The following TM4SF18 variants were observed in gnomAD, a reference collection of about 807,000 sequenced individuals.
TM4SF18 encodes transmembrane 4 L six family member 18, also known as transmembrane 4 L6 family member 18.
Under a neutral mutation model 23.8 loss-of-function variants are expected in TM4SF18, and 22 were observed. The observed-to-expected ratio is 0.92, with a 90% CI of 0.66 to 1.32. TM4SF18 has a LOEUF of 1.32. TM4SF18 is among the 40% of genes most tolerant of loss of function. The pLI is 0.00. For missense variants in TM4SF18, 255 were observed against 240.3 expected (o/e 1.06, Z -0.41); for synonymous variants, 87 against 87.9 (o/e 0.99, Z 0.06).
Position 149,324,744 on chromosome 3 carries a change from AAACT to A in TM4SF18, c.410+132_410+135del, listed in dbSNP as rs1730894361. On this transcript the variant is annotated intron_variant, in intron 4 of 5. Coordinates refer to ENST00000296059, the MANE Select transcript of TM4SF18 (RefSeq NM_138786.4). Reference sequence around the variant, plus strand: ...AGAACAAATTGGTCTGGATATTAGTAAACTAACAGGGAAATTCTGCACTAAAACA... The same window carrying A: ...AGAACAAATTGGTCTGGATATTAGTAAACAGGGAAATTCTGCACTAAAACA... 15 of 1,134,070 alleles carry A rather than the reference AAACT, an allele frequency of 1.3e-5. No individual in the cohort carries two copies. The East Asian group carries it at 3.4e-4, about 26-fold the overall frequency. The allele number at this position is 1,134,070 out of a possible 1,614,324, so 70.3% of individuals were successfully genotyped here.
intron 3 of TM4SF18, among the ~76,000 whole-genome samples, chr3:149,326,449 T>C (rs921420563): frequency 1.3e-5 from 2 of 152,204 alleles, no homozygotes; most frequent in Admixed American, 6.5e-5. Flanking sequence ...CCTGGATAGG[T>C]ACATTTTCCT....
Position 149,331,864 on chromosome 3 carries a change from G to A in TM4SF18, c.177+1342C>T, listed in dbSNP as rs144339684. On this transcript the variant is annotated intron_variant, in intron 2 of 5. Transcript: ENST00000296059. ...ACATGAAATAATGTGCATTTTCCAC[G>A]TTGTTACATCTTCATAATTATAATT... Among the ~76,000 whole-genome samples, 677 of 152,198 alleles carry A rather than the reference G, an allele frequency of 4.4e-3. 4 individuals carry two copies. The highest frequency in any genetic ancestry group is 0.016 in the African/African-American group (644 of 41,530).
At chr3:149,327,850 C>A (rs188289913) in intron 3 of TM4SF18, among the ~76,000 whole-genome samples, 3 of 152,072 alleles carry the variant, frequency 2.0e-5, no homozygotes, top group Non-Finnish European at 2.9e-5. Context: ...CACATGCACA[C>A]GCACACACTA....
chr3:149,330,755 A>C lies in TM4SF18; in HGVS notation c.178-336T>G, dbSNP rs114429749. ...TGGACAGGAGAATACCACCCTGGGC[A>C]GCAAAACCTGCCTTTCTCAATGACT... is the stretch of plus-strand genomic sequence containing the variant. On this transcript the variant is annotated intron_variant, in intron 2 of 5. Coordinates refer to ENST00000296059, the MANE Select transcript of TM4SF18 (RefSeq NM_138786.4). Among the ~76,000 whole-genome samples the C allele has an allele frequency of 7.4e-3, 1,131 of 152,350 alleles. 14 individuals are homozygous for C. The highest frequency in any genetic ancestry group is 0.026 in the African/African-American group (1,061 of 41,582).
At chr3:149,322,889 C>T (rs1730843065) in intron 4 of TM4SF18, among the ~76,000 whole-genome samples, 1 of 141,058 alleles carries the variant, frequency 7.1e-6, no homozygotes, top group Non-Finnish European at 1.6e-5. Flanking sequence ...AGAACTTTAC[C>T]CCTCTGGCCT....
intron 2 of TM4SF18, among the ~76,000 whole-genome samples, chr3:149,332,924 G>T (rs774832600): frequency 6.6e-6 from 1 of 151,842 alleles, no homozygotes; most frequent in Non-Finnish European, 1.5e-5. Flanking sequence ...TGATATGCAG[G>T]GTTCATGAGA....
chr3:149,333,505 T>C lies in TM4SF18; in HGVS notation c.-18+8A>G. ...CTCTTTTTTTTTTTTTTTTTTGAGA[T>C]TACCTACCACTTCCAGGGTCAGAGC... is the stretch of plus-strand genomic sequence containing the variant. On this transcript the variant is annotated splice_region_variant and intron_variant, in intron 1 of 5. Transcript: ENST00000296059. The C allele has an allele frequency of 1.4e-6, 1 of 695,962 alleles. No individual in the cohort carries two copies. 43.1% of individuals were successfully genotyped at this position (695,962 alleles called of 1,614,324 possible).
At position 149,333,318 on chromosome 3, in the gene TM4SF18, A is replaced by T; in HGVS notation, c.65T>A (p.Ile22Lys). 6.2e-7 allele frequency: 1 copy of T among 1,613,856 alleles called. No homozygotes were observed. The highest frequency in any genetic ancestry group is 8.5e-7 in the Non-Finnish European group (1 of 1,179,918). ...GAAATACAATAATATGTTCACGATT[A>T]TACTCCAAAGTGCAAGCGGAATCAG... ...CLLIPLALWSIIVNILLYFPN... is the reference protein window; with the variant it reads ...CLLIPLALWSKIVNILLYFPN... The change falls in exon 2 of 6, where the codon ATA (isoleucine) becomes AAA (lysine). Residue 22 changes from isoleucine to lysine, a missense_variant. By Grantham distance (102) the Ile-to-Lys change is moderately radical (BLOSUM62 -3). Coordinates refer to ENST00000296059, the MANE Select transcript of TM4SF18 (RefSeq NM_138786.4).
At chr3:149,331,451 A>G (rs1731086189) in intron 2 of TM4SF18, among the ~76,000 whole-genome samples, 1 of 152,180 alleles carries the variant, frequency 6.6e-6, no homozygotes, top group Non-Finnish European at 1.5e-5. Flanking sequence ...ATCGTTAGTT[A>G]TGACAGATTG....
chr3:149,324,687 T>G (rs1443518100), intron 4 of TM4SF18, 193 bp downstream of exon 4: 1 of 657,450 alleles, frequency 1.5e-6, no homozygotes, highest in Admixed American at 3.0e-5. Flanking sequence ...ATTAAAAGAC[T>G]GAAGAAAAAA....
At chr3:149,333,480 C>CACAATT in intron 1 of TM4SF18, 33 bp downstream of exon 1, 1 of 391,566 alleles carries the variant, frequency 2.6e-6, no homozygotes, top group Non-Finnish European at 3.6e-6. Flanking sequence ...CTCTCTCTCT[C>CACAATT]TCTTTTTTTT....
intron 4 of TM4SF18, among the ~76,000 whole-genome samples, chr3:149,323,207 C>T (rs542684699): frequency 5.3e-5 from 8 of 152,216 alleles, no homozygotes; most frequent in South Asian, 4.1e-4. Flanking sequence ...CCTCCAGACT[C>T]TTATCTTGAT....
chr3:149,322,029 C>G (rs111433973), intron 5 of TM4SF18, among the ~76,000 whole-genome samples: 1 of 152,126 alleles, frequency 6.6e-6, no homozygotes. Flanking sequence ...TACCATACAA[C>G]AAGAAATGCA....
Position 149,319,749 on chromosome 3 carries a change from C to A in TM4SF18, c.*1729G>T, listed in dbSNP as rs766395169. ...CCATTATTAACATGAACCAGATACTCTCTGAATGTTGGCTTCCTTCTTCAT... is the reference window on the plus strand; with the variant it reads ...CCATTATTAACATGAACCAGATACTATCTGAATGTTGGCTTCCTTCTTCAT... On this transcript the variant is annotated 3_prime_UTR_variant, in exon 6 of 6. Transcript: ENST00000296059. The A allele has an allele frequency of 7.2e-5, 11 of 152,336 alleles. No individual in the cohort carries two copies. The East Asian group carries it at 1.2e-3, about 16-fold the overall frequency. The allele number at this position is 152,336 out of a possible 1,614,324, so 9.4% of individuals were successfully genotyped here.
intron 3 of TM4SF18, among the ~76,000 whole-genome samples, chr3:149,329,442 T>G (rs1731041650): frequency 6.6e-6 from 1 of 152,126 alleles, no homozygotes; most frequent in South Asian, 2.1e-4. Context: ...GTGATTGCAA[T>G]ATGAAGCTAA....
Position 149,321,469 on chromosome 3 carries a change from T to A in TM4SF18, c.*9A>T, listed in dbSNP as rs772822465. The stretch of plus-strand genomic sequence containing the variant: ...CATGTCTTGATAATGGAAAACATTT[T>A]GTCCTTATTCAAATGATTCCAGGCT... On this transcript the variant is annotated 3_prime_UTR_variant, in exon 6 of 6. Transcript: ENST00000296059. 1 of 1,570,318 alleles carries A rather than the reference T, an allele frequency of 6.4e-7. No homozygotes were observed. The highest frequency in any genetic ancestry group is 8.7e-7 in the Non-Finnish European group (1 of 1,152,562).
At position 149,318,914 on chromosome 3, in the gene TM4SF18, A is replaced by G. The variant is rs1456253335; in HGVS notation, c.*2564T>C. The G allele has an allele frequency of 6.6e-6, 1 of 152,032 alleles. No individual in the cohort carries two copies. Among genetic ancestry groups the G allele is most frequent in the African/African-American group, 2.4e-5 (1 of 41,368 alleles). 9.4% of individuals were successfully genotyped at this position (152,032 alleles called of 1,614,324 possible). A position where few individuals can be genotyped will look rare whatever the true frequency, so the allele number is the denominator to read the frequency against. ...GGTTTTTGAGTTTTTTTTCCTTTTT[A>G]CTTTGAATTCACGAGGATATAAAAC... is the stretch of plus-strand genomic sequence containing the variant. On this transcript the variant is annotated 3_prime_UTR_variant, in exon 6 of 6. Coordinates refer to ENST00000296059, the MANE Select transcript of TM4SF18 (RefSeq NM_138786.4).
rs1305002289 is a variant in TM4SF18 at position 149,320,608 on chromosome 3, T to C, written c.*870A>G. On this transcript the variant is annotated 3_prime_UTR_variant, in exon 6 of 6. Coordinates refer to ENST00000296059, the MANE Select transcript of TM4SF18 (RefSeq NM_138786.4). ...GATTGTATAAGTTTATATAAAACTCTTTTTGGCTCATCTATATCACTACTT... is the reference window on the plus strand; with the variant it reads ...GATTGTATAAGTTTATATAAAACTCCTTTTGGCTCATCTATATCACTACTT... The C allele has an allele frequency of 6.6e-6, 1 of 152,190 alleles. No homozygotes were observed. The highest frequency in any genetic ancestry group is 1.5e-5 in the Non-Finnish European group (1 of 68,030). 9.4% of individuals were successfully genotyped at this position (152,190 alleles called of 1,614,324 possible). A position where few individuals can be genotyped will look rare whatever the true frequency, so the allele number is the denominator to read the frequency against.
Position 149,324,917 on chromosome 3 carries a change from C to T in TM4SF18, c.373G>A (p.Asp125Asn), listed in dbSNP as rs751022866. The change falls in exon 4 of 6, where the codon GAT becomes AAT. Residue 125 changes from aspartate (D) to asparagine (N), a missense_variant. Physicochemically the swap from Asp to Asn is conservative, Grantham distance 23. Coordinates refer to ENST00000296059, the MANE Select transcript of TM4SF18 (RefSeq NM_138786.4). The stretch of plus-strand genomic sequence containing the variant: ...CCTTCAAAAGCATACTCCCAGCCAT[C>T]AAGGGTGCGGCAATATGGCCCTTGG... The part of the protein sequence containing the change: ...LVQGPYCRTL[D>N]GWEYAFEGTA... 9.3e-6 allele frequency: 15 copies of T among 1,614,034 alleles called. No homozygotes were observed. Among genetic ancestry groups the T allele is most frequent in the African/African-American group, 8.0e-5 (6 of 74,910 alleles).
Sources: gnomAD v4.1 joint callset for allele counts (sites outside exome capture counted in the v4.1 genomes callset) on GRCh38, gnomAD v4.1.1 for gene constraint, MANE v1.5 for transcripts, NCBI Gene and HGNC (gene_info 2026-07-23, HGNC 2026-07-21) for gene names.